Variants in PGRMC2 observed in about 807,000 individuals in gnomAD.
PGRMC2 encodes membrane-associated progesterone receptor component 2.
Under a neutral mutation model 19.3 loss-of-function variants are expected in PGRMC2, and 9 were observed. The observed-to-expected ratio is 0.47, with a 90% CI of 0.28 to 0.81. The LOEUF (loss-of-function observed/expected upper bound fraction) is 0.81, where lower values mean the gene tolerates loss of function less well. PGRMC2 is among the 40% of genes least tolerant of loss of function. The pLI is 0.11. For synonymous variants in PGRMC2, 157 were observed against 124.6 expected, an observed-to-expected ratio of 1.26 and a Z score of -1.73; for missense variants, 289 against 297.3, an observed-to-expected ratio of 0.97 and a Z score of 0.21.
At position 128,287,465 on chromosome 4, in the gene PGRMC2, C is replaced by A. The variant is rs775818116; in HGVS notation, c.326G>T (p.Arg109Leu). ...CGGGTTGCGGGAGCCGTCGTACTGG[C>A]GCAGCTGCTCCAAGCTGAAGTCCCG... ...KKRDFSLEQL[R>L]QYDGSRNPRI... Residue 109 changes from arginine to leucine, a missense_variant, in exon 1 of 3, where the codon CGC becomes CTC. Coordinates refer to ENST00000296425, the MANE Select transcript of PGRMC2 (RefSeq NM_006320.6). 6 of 1,613,518 alleles carry A rather than the reference C, an allele frequency of 3.7e-6. No individual in the cohort carries two copies. The African/African-American group carries it at 8.0e-5, about 22-fold the overall frequency.
chr4:128,287,302 A>C lies in PGRMC2; in HGVS notation c.418+71T>G, dbSNP rs991102923. On this transcript the variant is annotated intron_variant, in intron 1 of 2. Transcript: ENST00000296425. ...CTGGGCAAACTAACCCGGTGCCCAGAGGCCTCCCTGTCCGAAGGGGGTTGT... is the reference window on the plus strand; with the variant it reads ...CTGGGCAAACTAACCCGGTGCCCAGCGGCCTCCCTGTCCGAAGGGGGTTGT... The C allele has an allele frequency of 4.0e-6, 6 of 1,505,670 alleles. No individual in the cohort carries two copies. In the African/African-American group the frequency reaches 8.5e-5, roughly 21 times the overall value. 93.3% of individuals were successfully genotyped at this position (1,505,670 alleles called of 1,614,324 possible). A position where few individuals can be genotyped will look rare whatever the true frequency, so the allele number is the denominator to read the frequency against.
chr4:128,281,064 A>G (rs1760904069), intron 1 of PGRMC2, among the ~76,000 whole-genome samples: 1 of 152,230 alleles, frequency 6.6e-6, no homozygotes, highest in Admixed American at 6.5e-5. Flanking sequence ...AAAAAATGAT[A>G]ACCATGTTAG....
chr4:128,281,131 A>C (rs896614234), intron 1 of PGRMC2, among the ~76,000 whole-genome samples: 9 of 152,220 alleles, frequency 5.9e-5, no homozygotes, highest in Non-Finnish European at 1.3e-4. Context: ...TTTGGGGTGG[A>C]GTTTGAAAAA....
chr4:128,283,302 C>T (rs1760936509), intron 1 of PGRMC2, among the ~76,000 whole-genome samples: 1 of 152,198 alleles, frequency 6.6e-6, no homozygotes, highest in Non-Finnish European at 1.5e-5. Context: ...AGATATGTGG[C>T]TTTGGGCAAT....
rs185718827 is a variant in PGRMC2, at chr4:128,284,213, G to A, written c.418+3160C>T. On this transcript the variant is annotated intron_variant, in intron 1 of 2. Coordinates refer to ENST00000296425, the MANE Select transcript of PGRMC2 (RefSeq NM_006320.6). ...AAGATTCTCTACAAGTTTATCACAGGATGCAGTTTACTAGAAATAGTATAG... is the reference window on the plus strand; with the variant it reads ...AAGATTCTCTACAAGTTTATCACAGAATGCAGTTTACTAGAAATAGTATAG... 1.4e-4 allele frequency among the ~76,000 whole-genome samples: 21 copies of A among 152,238 alleles called. No individual in the cohort carries two copies. In the East Asian group the frequency reaches 3.9e-3, roughly 28 times the overall value.
chr4:128,271,200 C>T lies in PGRMC2; in HGVS notation c.*116G>A. 1.8e-6 allele frequency: 1 copy of T among 549,482 alleles called. No individual in the cohort carries two copies. Among genetic ancestry groups the T allele is most frequent in the Non-Finnish European group, 3.3e-6 (1 of 302,650 alleles). The allele number at this position is 549,482 out of a possible 1,614,324, so 34.0% of individuals were successfully genotyped here. ...TAGTGAGATTAATTTATCTTGTACA[C>T]AATTTGTTGAATGTTTTTCGCAGCA... is the stretch of plus-strand genomic sequence containing the variant. On this transcript the variant is annotated 3_prime_UTR_variant, in exon 3 of 3. Coordinates refer to ENST00000296425, the MANE Select transcript of PGRMC2 (RefSeq NM_006320.6).
chr4:128,280,564 G>A (rs1019130084), intron 1 of PGRMC2, among the ~76,000 whole-genome samples: 2 of 152,006 alleles, frequency 1.3e-5, no homozygotes, highest in Non-Finnish European at 2.9e-5. Context: ...ACAAGTGGAA[G>A]ACAGTGGCAT....
At chr4:128,287,150 G>T in intron 1 of PGRMC2, 4 of 490,220 alleles carry the variant, frequency 8.2e-6, no homozygotes, top group Non-Finnish European at 1.4e-5. Context: ...GGGCGCCACC[G>T]GGGACCCTGG....
intron 1 of PGRMC2, among the ~76,000 whole-genome samples, chr4:128,284,470 T>C (rs1760955771): frequency 6.6e-6 from 1 of 152,222 alleles, no homozygotes; most frequent in East Asian, 1.9e-4. Flanking sequence ...CAAACTTTCC[T>C]CACCTGCTGG....
chr4:128,282,019 C>T (rs1045083571), intron 1 of PGRMC2, among the ~76,000 whole-genome samples: 8 of 152,182 alleles, frequency 5.3e-5, no homozygotes, highest in African/African-American at 1.9e-4. Context: ...CTTTGTTACC[C>T]TCTATTCCCA....
intron 1 of PGRMC2, among the ~76,000 whole-genome samples, chr4:128,275,061 G>A (rs1030997915): frequency 3.9e-5 from 6 of 152,164 alleles, no homozygotes; most frequent in African/African-American, 1.4e-4. Flanking sequence ...CCCAAAGATG[G>A]AGTAACGACC....
At chr4:128,275,416 GAAT>G (rs948204877) in intron 1 of PGRMC2, among the ~76,000 whole-genome samples, 5 of 152,198 alleles carry the variant, frequency 3.3e-5, no homozygotes, top group African/African-American at 1.2e-4. Context: ...AACACTGAAT[GAAT>G]AATAATAATA....
chr4:128,276,189 C>T (rs916960764), intron 1 of PGRMC2, among the ~76,000 whole-genome samples: 1 of 152,142 alleles, frequency 6.6e-6, no homozygotes, highest in Non-Finnish European at 1.5e-5. Flanking sequence ...TTCCGTTATC[C>T]CCTTACATAA....
chr4:128,280,299 A>G (rs2110562456), intron 1 of PGRMC2, among the ~76,000 whole-genome samples: 1 of 147,026 alleles, frequency 6.8e-6, no homozygotes, highest in East Asian at 2.1e-4. Flanking sequence ...TAACAGTTCC[A>G]GAGGAAGGAA....
intron 1 of PGRMC2, among the ~76,000 whole-genome samples, chr4:128,276,970 C>T (rs143826160): frequency 0.014 from 2,091 of 152,222 alleles, 19 homozygotes; most frequent in Non-Finnish European, 0.021. Context: ...TCCTGGCCAA[C>T]GTGGTGAAAC....
chr4:128,281,319 C>T (rs536143360), intron 1 of PGRMC2, among the ~76,000 whole-genome samples: 20 of 152,216 alleles, frequency 1.3e-4, no homozygotes, highest in African/African-American at 4.8e-4. Flanking sequence ...TGTCAAATGT[C>T]AGTAAAGTAT....
At chr4:128,271,770 C>T (rs1056206089) in intron 2 of PGRMC2, among the ~76,000 whole-genome samples, 1 of 152,128 alleles carries the variant, frequency 6.6e-6, no homozygotes, top group African/African-American at 2.4e-5. Flanking sequence ...TTCCAAGGGA[C>T]CCAGGGGTCA....
intron 2 of PGRMC2, 105 bp from the exon 3 acceptor site, chr4:128,271,518 TTATTAGAATATTA>T: frequency 1.7e-6 from 1 of 581,136 alleles, no homozygotes; most frequent in Non-Finnish European, 3.0e-6. Flanking sequence ...TAAAATATGA[TTATTAGAATATTA>T]TCTAAATATT....
chr4:128,272,600 A>AC (rs1268349315), intron 1 of PGRMC2, 83 bp from the exon 2 acceptor site: 82 of 910,722 alleles, frequency 9.0e-5, no homozygotes, highest in Middle Eastern at 8.7e-4. Context: ...AAAAAAAAAA[A>AC]AAACACAACA....
Sources: allele counts gnomAD v4.1 joint callset (sites outside exome capture counted in the v4.1 genomes callset), GRCh38; gene constraint gnomAD v4.1.1; transcripts MANE v1.5; gene names NCBI Gene and HGNC (gene_info 2026-07-23, HGNC 2026-07-21).